Variants in GTF2E2 observed in about 807,000 individuals in gnomAD.
GTF2E2 encodes the protein general transcription factor IIE subunit 2.
In GTF2E2, 21 loss-of-function variants were observed where a neutral mutation model predicts 40.5. The ratio of observed to expected loss-of-function variants is 0.52; its 90% CI spans 0.37 to 0.75. GTF2E2 has a LOEUF of 0.75. Ranked by LOEUF, GTF2E2 falls within the 30% of genes least tolerant of loss-of-function variation. GTF2E2 has a pLI of 0.00. For synonymous variants in GTF2E2, 117 were observed against 121.6 expected (o/e 0.96, Z 0.25); for missense variants, 298 against 338.4 (o/e 0.88, Z 0.94).
intron 5 of GTF2E2, among the ~76,000 whole-genome samples, chr8:30,608,844 G>T (rs1056911653): frequency 1.1e-4 from 16 of 152,178 alleles, no homozygotes; most frequent in African/African-American, 3.6e-4. Context: ...CCGCACGGTG[G>T]CTCACGCCAT....
intron 3 of GTF2E2, among the ~76,000 whole-genome samples, chr8:30,616,114 G>A (rs1585968125): frequency 1.3e-5 from 2 of 152,222 alleles, no homozygotes. Flanking sequence ...TTGACATTCC[G>A]GAAAAGGCAA....
chr8:30,645,703 T>C lies in GTF2E2; in HGVS notation c.166+7730A>G. 10 of 1,145,664 alleles carry C rather than the reference T, an allele frequency of 8.7e-6. No individual in the cohort carries two copies. In the South Asian group the frequency reaches 1.5e-4, roughly 17 times the overall value. The allele number at this position is 1,145,664 out of a possible 1,614,324, so 71.0% of individuals were successfully genotyped here. On this transcript the variant is annotated intron_variant, in intron 2 of 7. Transcript: ENST00000355904. ...TGCTACAAAACAAATTCTGACTGAA[T>C]GGTTAAAACATTTCTAGTAGAAGGG...
chr8:30,622,291 G>C (rs1431609265), intron 3 of GTF2E2, among the ~76,000 whole-genome samples: 2 of 151,824 alleles, frequency 1.3e-5, no homozygotes, highest in Non-Finnish European at 2.9e-5. Flanking sequence ...TTTAAAGCTG[G>C]GCGTCCAGGG....
intron 3 of GTF2E2, among the ~76,000 whole-genome samples, chr8:30,619,135 T>A (rs1227577419): frequency 6.6e-6 from 1 of 151,974 alleles, no homozygotes; most frequent in Non-Finnish European, 1.5e-5. Context: ...AAAGACGAGG[T>A]TTCACCATGT....
At chr8:30,617,357 T>C (rs1485243803) in intron 3 of GTF2E2, among the ~76,000 whole-genome samples, 5 of 152,212 alleles carry the variant, frequency 3.3e-5, no homozygotes, top group Admixed American at 2.6e-4. Flanking sequence ...CTGAGAGTAC[T>C]GCAATGAGAC....
At position 30,609,371 on chromosome 8, in the gene GTF2E2, T is replaced by C. The variant is rs1484754774; in HGVS notation, c.550-2221A>G. 2.0e-5 allele frequency among the ~76,000 whole-genome samples: 3 copies of C among 151,184 alleles called. No individual in the cohort carries two copies. The East Asian group carries it at 5.8e-4, about 29-fold the overall frequency. ...TGTTTAAACTGGTATAATGAAAATA[T>C]CCCAAAATTTGAAAAAAATCCCAAA... On this transcript the variant is annotated intron_variant, in intron 5 of 7. Coordinates refer to ENST00000355904, the MANE Select transcript of GTF2E2 (RefSeq NM_002095.6).
In GTF2E2 at chr8:30,645,136, C is replaced by CA. The variant is rs577435168; in HGVS notation, c.166+8296dup. On this transcript the variant is annotated intron_variant, in intron 2 of 7. Coordinates refer to ENST00000355904, the MANE Select transcript of GTF2E2 (RefSeq NM_002095.6). The stretch of plus-strand genomic sequence containing the variant: ...GACTAAGGACGTTGGCCCAGATATA[C>CA]AAAAAAATTCAAAACTACCATTTAG... The CA allele has an allele frequency of 3.0e-3, 2,166 of 712,036 alleles. 8 individuals are homozygous for CA. The highest frequency in any genetic ancestry group is 5.3e-3 in the Admixed American group (174 of 32,964). The allele number at this position is 712,036 out of a possible 1,614,324, so 44.1% of individuals were successfully genotyped here.
At chr8:30,650,149 C>T (rs1041273834) in intron 2 of GTF2E2, among the ~76,000 whole-genome samples, 1 of 152,148 alleles carries the variant, frequency 6.6e-6, no homozygotes, top group East Asian at 1.9e-4. Context: ...ACATACACAT[C>T]AAGTCCCTCA....
intron 5 of GTF2E2, 21 bp downstream of exon 5, chr8:30,612,278 T>C (rs747141779): frequency 2.1e-6 from 3 of 1,441,000 alleles, no homozygotes; most frequent in Admixed American, 3.6e-5. Context: ...TATTAAGACA[T>C]AGAAAGAAAA....
chr8:30,588,352 AAATAT>A (rs1330004460), intron 6 of GTF2E2, among the ~76,000 whole-genome samples: 5 of 152,352 alleles, frequency 3.3e-5, no homozygotes, highest in South Asian at 2.1e-4. Context: ...CGGATAACAA[AAATAT>A]AATATATATA....
At chr8:30,654,000 G>T (rs1428004525) in intron 1 of GTF2E2, among the ~76,000 whole-genome samples, 2 of 151,232 alleles carry the variant, frequency 1.3e-5, no homozygotes, top group African/African-American at 4.9e-5. Flanking sequence ...GAAGTGGGAG[G>T]ATCACTTCAG....
chr8:30,609,869 C>T (rs1829432923), intron 5 of GTF2E2, among the ~76,000 whole-genome samples: 1 of 152,258 alleles, frequency 6.6e-6, no homozygotes, highest in Non-Finnish European at 1.5e-5. Flanking sequence ...CTCTCTCTTG[C>T]TCCTGCTCCG....
chr8:30,623,524 T>C (rs1378308292), intron 3 of GTF2E2, among the ~76,000 whole-genome samples: 1 of 152,166 alleles, frequency 6.6e-6, no homozygotes, highest in Non-Finnish European at 1.5e-5. Context: ...CCTTTCGGTA[T>C]ATACCCAGTA....
chr8:30,596,408 T>C (rs529575809), intron 6 of GTF2E2, among the ~76,000 whole-genome samples: 1 of 152,374 alleles, frequency 6.6e-6, no homozygotes, highest in Non-Finnish European at 1.5e-5. Context: ...AAGACATTTT[T>C]CACCTATGTT....
intron 6 of GTF2E2, chr8:30,584,372 T>C (rs1489057491): frequency 6.6e-6 from 1 of 152,186 alleles, no homozygotes; most frequent in Non-Finnish European, 1.5e-5. Context: ...TATTTTGGGT[T>C]TTTAAAAATA....
chr8:30,618,637 T>C (rs1800995951), intron 3 of GTF2E2, among the ~76,000 whole-genome samples: 1 of 152,108 alleles, frequency 6.6e-6, no homozygotes, highest in African/African-American at 2.4e-5. Flanking sequence ...ATTACAAATT[T>C]CTCCTTACAA....
chr8:30,645,791 C>T (rs1802053813), intron 2 of GTF2E2: 1 of 557,792 alleles, frequency 1.8e-6, no homozygotes, highest in South Asian at 2.7e-5. Flanking sequence ...TACAGTAAAA[C>T]TTCATGAATG....
At chr8:30,638,404 T>A (rs1029458006) in intron 2 of GTF2E2, among the ~76,000 whole-genome samples, 1 of 152,138 alleles carries the variant, frequency 6.6e-6, no homozygotes, top group Non-Finnish European at 1.5e-5. Context: ...GGAATTTAGC[T>A]TAAGAACAAA....
intron 6 of GTF2E2, among the ~76,000 whole-genome samples, chr8:30,598,552 T>A (rs1038933273): frequency 2.0e-5 from 3 of 152,258 alleles, no homozygotes; most frequent in Admixed American, 2.0e-4. Context: ...ATAAAACATT[T>A]ATACTTAATC....
Sources: gnomAD v4.1 joint callset for allele counts (sites outside exome capture counted in the v4.1 genomes callset) on GRCh38, gnomAD v4.1.1 for gene constraint, MANE v1.5 for transcripts, NCBI Gene and HGNC (gene_info 2026-07-23, HGNC 2026-07-21) for gene names.